The following CDK14 variants were observed in gnomAD, a reference collection of about 807,000 sequenced individuals.
CDK14 encodes the protein cyclin-dependent kinase 14.
CDK14 carries 34 observed loss-of-function variants against 60.7 expected under a neutral mutation model. The ratio of observed to expected loss-of-function variants is 0.56; its 90% CI spans 0.43 to 0.75. CDK14 has a LOEUF of 0.75. CDK14 is among the 30% of genes least tolerant of loss of function. The pLI is 0.00. For missense variants in CDK14, 482 were observed against 564.1 expected (o/e 0.85, Z 1.47); for synonymous variants, 197 against 203.7 (o/e 0.97, Z 0.28).
At chr7:91,152,531 AAAC>A (rs1486225394) in intron 14 of CDK14, among the ~76,000 whole-genome samples, 1 of 152,230 alleles carries the variant, frequency 6.6e-6, no homozygotes, top group Non-Finnish European at 1.5e-5. Flanking sequence ...AATTTTCTTC[AAAC>A]AACCTGTACT....
chr7:91,112,511 T>G, intron 12 of CDK14, 31 bp from the exon 13 acceptor site: 1 of 1,602,510 alleles, frequency 6.2e-7, no homozygotes, highest in Non-Finnish European at 8.5e-7. Flanking sequence ...TCTTGTTTGG[T>G]CTGACCTCTC....
intron 6 of CDK14, among the ~76,000 whole-genome samples, chr7:90,887,447 A>G (rs1431997398): frequency 6.6e-6 from 1 of 152,216 alleles, no homozygotes; most frequent in Non-Finnish European, 1.5e-5. Context: ...GATAGTTCAT[A>G]TACTTCATTG....
At chr7:90,626,151 G>T (rs2116386884) in intron 2 of CDK14, among the ~76,000 whole-genome samples, 1 of 152,284 alleles carries the variant, frequency 6.6e-6, no homozygotes, top group Non-Finnish European at 1.5e-5. Context: ...AGGCGGGAAG[G>T]TTTAGTTATT....
At chr7:90,668,707 T>A (rs1801035810) in intron 2 of CDK14, among the ~76,000 whole-genome samples, 3 of 60,788 alleles carry the variant, frequency 4.9e-5, no homozygotes, top group Non-Finnish European at 2.8e-5. Context: ...TTCTTTTTTT[T>A]TTTTTTTTTT....
At chr7:91,019,187 A>T (rs1042908930) in intron 10 of CDK14, among the ~76,000 whole-genome samples, 16 of 152,202 alleles carry the variant, frequency 1.1e-4, no homozygotes, top group African/African-American at 3.9e-4. Context: ...GTTGGCAGAG[A>T]TGCAGCAGCC....
intron 6 of CDK14, among the ~76,000 whole-genome samples, chr7:90,893,498 G>A (rs1039932002): frequency 6.6e-6 from 1 of 152,172 alleles, no homozygotes; most frequent in African/African-American, 2.4e-5. Context: ...ATGCCATAGT[G>A]ATGTTCTGTT....
chr7:90,740,270 TAGAGAG>T (rs397890123), intron 3 of CDK14, among the ~76,000 whole-genome samples: 52 of 140,132 alleles, frequency 3.7e-4, no homozygotes, highest in South Asian at 2.1e-3. Context: ...TATATATATA[TAGAGAG>T]AGAGAGAGAG....
intron 4 of CDK14, among the ~76,000 whole-genome samples, chr7:90,763,233 G>A (rs537447038): frequency 6.2e-4 from 94 of 152,244 alleles, no homozygotes; most frequent in African/African-American, 2.1e-3. Context: ...CCACTTTGTC[G>A]GTAATTGACA....
At chr7:90,733,719 G>T (rs181613559) in intron 3 of CDK14, among the ~76,000 whole-genome samples, 2 of 152,108 alleles carry the variant, frequency 1.3e-5, no homozygotes, top group South Asian at 2.1e-4. Context: ...CATGAGATGG[G>T]TCTCCTTAAT....
At chr7:90,787,276 T>A (rs1413952053) in intron 4 of CDK14, among the ~76,000 whole-genome samples, 1 of 152,200 alleles carries the variant, frequency 6.6e-6, no homozygotes, top group African/African-American at 2.4e-5. Flanking sequence ...GTGAGTGTTT[T>A]GAAACATGTC....
At chr7:90,866,349 TATTTCAGA>T (rs1791187175) in intron 6 of CDK14, among the ~76,000 whole-genome samples, 1 of 152,080 alleles carries the variant, frequency 6.6e-6, no homozygotes, top group South Asian at 2.1e-4. Context: ...AATGTTGCTG[TATTTCAGA>T]ATTATTAACA....
chr7:90,639,182 G>A (rs1800248426), intron 2 of CDK14, among the ~76,000 whole-genome samples: 4 of 152,162 alleles, frequency 2.6e-5, no homozygotes, highest in African/African-American at 4.8e-5. Flanking sequence ...GAGGAACTGC[G>A]TTCCTTTGGA....
At chr7:91,064,119 A>G (rs984552313) in intron 11 of CDK14, among the ~76,000 whole-genome samples, 1 of 152,220 alleles carries the variant, frequency 6.6e-6, no homozygotes, top group Non-Finnish European at 1.5e-5. Context: ...TCCTAGACTT[A>G]AAAAGGTAAG....
Position 90,984,193 on chromosome 7 carries a change from T to G in CDK14, c.993T>G (p.Ala331=), listed in dbSNP as rs1356122196. The change falls in exon 10 of 15, where the codon GCT becomes GCG. Residue 331 remains alanine (A), a synonymous_variant. Transcript: ENST00000380050. ...IFVEMIQGVA[A]FPGMKDIQDQ... The stretch of plus-strand genomic sequence containing the variant: ...TTGAAATGATCCAAGGAGTTGCTGC[T>G]TTTCCAGGAATGAAAGACATTCAGG... The G allele has an allele frequency of 1.2e-6, 2 of 1,613,116 alleles. No individual in the cohort carries two copies. The highest frequency in any genetic ancestry group is 2.2e-5 in the South Asian group (2 of 91,064).
intron 11 of CDK14, among the ~76,000 whole-genome samples, chr7:91,060,823 G>C (rs1280658539): frequency 2.0e-5 from 3 of 152,118 alleles, no homozygotes; most frequent in South Asian, 2.1e-4. Context: ...CTCTCTGGCT[G>C]CCCTTAACAT....
chr7:90,845,820 T>C (rs1159483052), intron 5 of CDK14, among the ~76,000 whole-genome samples: 4 of 152,170 alleles, frequency 2.6e-5, no homozygotes, highest in Non-Finnish European at 5.9e-5. Flanking sequence ...GACACTATTA[T>C]GTCACTAAGT....
intron 12 of CDK14, among the ~76,000 whole-genome samples, chr7:91,108,238 C>T (rs961349338): frequency 6.6e-6 from 1 of 152,180 alleles, no homozygotes; most frequent in Admixed American, 6.5e-5. Flanking sequence ...ACCTGGGAGA[C>T]AGAGGTTGCA....
At chr7:90,711,623 T>C (rs1458718603) in intron 2 of CDK14, among the ~76,000 whole-genome samples, 2 of 152,132 alleles carry the variant, frequency 1.3e-5, no homozygotes, top group Non-Finnish European at 2.9e-5. Context: ...ACCCACTATG[T>C]GTAAAACATT....
At chr7:90,765,134 T>C (rs1351062769) in intron 4 of CDK14, among the ~76,000 whole-genome samples, 2 of 152,178 alleles carry the variant, frequency 1.3e-5, no homozygotes, top group Admixed American at 6.5e-5. Context: ...AATTGAGATA[T>C]TGAGAAACCA....
Sources: allele counts gnomAD v4.1 joint callset (sites outside exome capture counted in the v4.1 genomes callset), GRCh38; gene constraint gnomAD v4.1.1; transcripts MANE v1.5; gene names NCBI Gene and HGNC (gene_info 2026-07-23, HGNC 2026-07-21).